Variants in DCBLD1 observed in about 807,000 individuals in gnomAD.
The protein encoded by DCBLD1 is discoidin, CUB and LCCL domain containing 1.
DCBLD1 carries 57 observed loss-of-function variants against 71.5 expected under a neutral mutation model. That is an observed-to-expected ratio of 0.80 (90% CI 0.64 to 0.99). The LOEUF is 0.99. DCBLD1 is among the 50% of genes least tolerant of loss of function. The pLI is 0.00. For missense variants in DCBLD1, 891 were observed against 923.5 expected, an observed-to-expected ratio of 0.96 and a Z score of 0.46; for synonymous variants, 380 against 363.8, an observed-to-expected ratio of 1.04 and a Z score of -0.51.
At chr6:117,542,927 T>C (rs1163807080) in intron 11 of DCBLD1, among the ~76,000 whole-genome samples, 197 bp from the exon 12 acceptor site, 3 of 152,060 alleles carry the variant, frequency 2.0e-5, no homozygotes, top group Non-Finnish European at 4.4e-5. Flanking sequence ...GGGGGAGAAA[T>C]TTTACTTTCC....
chr6:117,538,777 C>G lies in DCBLD1; in HGVS notation c.918C>G (p.Asn306Lys), dbSNP rs1187488298. The G allele has an allele frequency of 6.2e-7, 1 of 1,614,014 alleles. No individual in the cohort carries two copies. The highest frequency in any genetic ancestry group is 1.3e-5 in the African/African-American group (1 of 74,910). ...CATGGGCTTCGGGCGACAGTAGCAACAACCACAAACCACGAGAGTGGCTGG... is the reference window on the plus strand; with the variant it reads ...CATGGGCTTCGGGCGACAGTAGCAAGAACCACAAACCACGAGAGTGGCTGG... ...GPSWASGDSS[N>K]NHKPREWLEI... Residue 306 changes from asparagine (N) to lysine (K), a missense_variant, in exon 8 of 15, where the codon AAC (asparagine) becomes AAG (lysine). Physicochemically the swap from Asn to Lys is moderately conservative, Grantham distance 94. Transcript: ENST00000338728.
chr6:117,550,287 C>G (rs1379060896), downstream of DCBLD1, among the ~76,000 whole-genome samples: 2 of 152,072 alleles, frequency 1.3e-5, no homozygotes, highest in Admixed American at 1.3e-4. Context: ...AGGGTAGACT[C>G]TGTAGAACAG....
Position 117,482,909 on chromosome 6 carries a change from C to G in DCBLD1, c.112+16C>G. On this transcript the variant is annotated intron_variant, in intron 1 of 14. Coordinates refer to ENST00000338728, the MANE Select transcript of DCBLD1 (RefSeq NM_001366458.2). ...GAGGAGCTGGGTGAGTGGAGCGCGT[C>G]CGGCTGGCGGCGGGACCCGAGGCGC... 1 of 1,185,920 alleles carries G rather than the reference C, an allele frequency of 8.4e-7. No individual in the cohort carries two copies. Among genetic ancestry groups the G allele is most frequent in the Non-Finnish European group, 1.0e-6 (1 of 957,176 alleles). 73.5% of individuals were successfully genotyped at this position (1,185,920 alleles called of 1,614,324 possible). A position where few individuals can be genotyped will look rare whatever the true frequency, so the allele number is the denominator to read the frequency against.
Position 117,482,899 on chromosome 6 carries a change from TG to T in DCBLD1, c.112+8del. 8.4e-7 allele frequency: 1 copy of T among 1,192,388 alleles called. No homozygotes were observed. The highest frequency in any genetic ancestry group is 1.0e-6 in the Non-Finnish European group (1 of 960,534). The allele number at this position is 1,192,388 out of a possible 1,614,324, so 73.9% of individuals were successfully genotyped here. On this transcript the variant is annotated splice_region_variant and intron_variant, in intron 1 of 14. Coordinates refer to ENST00000338728, the MANE Select transcript of DCBLD1 (RefSeq NM_001366458.2). ...GCTGCAGGCGGAGGAGCTGGGTGAG[TG>T]GAGCGCGTCCGGCTGGCGGCGGGAC...
chr6:117,493,531 T>C (rs1435269769), intron 1 of DCBLD1, among the ~76,000 whole-genome samples: 1 of 152,216 alleles, frequency 6.6e-6, no homozygotes, highest in Non-Finnish European at 1.5e-5. Context: ...TAATTAAACA[T>C]GACTTTTTTC....
In DCBLD1 at chr6:117,538,732, A is replaced by T; in HGVS notation, c.873A>T (p.Arg291=). ...TTCACTGGTCTCCTGGCCAAGCCCG[A>T]CTTCAGGACCAAGGCCCATCATGGG... is the stretch of plus-strand genomic sequence containing the variant. ...DQVHWSPGQA[R]LQDQGPSWAS... Residue 291 remains arginine, a synonymous_variant, in exon 8 of 15, where the codon CGA becomes CGT. Transcript: ENST00000338728. The T allele has an allele frequency of 6.2e-7, 1 of 1,614,204 alleles. No individual in the cohort carries two copies. The highest frequency in any genetic ancestry group is 8.5e-7 in the Non-Finnish European group (1 of 1,180,034).
At chr6:117,490,736 A>G (rs928534510) in intron 1 of DCBLD1, among the ~76,000 whole-genome samples, 1 of 152,226 alleles carries the variant, frequency 6.6e-6, no homozygotes, top group Non-Finnish European at 1.5e-5. Context: ...AACTCAAATT[A>G]TAACCGCTGT....
At chr6:117,542,154 G>A (rs376502992) in intron 11 of DCBLD1, among the ~76,000 whole-genome samples, 161 of 152,028 alleles carry the variant, frequency 1.1e-3, no homozygotes, top group African/African-American at 3.4e-3. Context: ...TTAGCTGGGC[G>A]TGGCAGCATG....
chr6:117,527,396 T>C (rs1318584798), intron 5 of DCBLD1, among the ~76,000 whole-genome samples: 2 of 152,154 alleles, frequency 1.3e-5, no homozygotes, highest in African/African-American at 4.8e-5. Flanking sequence ...GCAAGTCTTT[T>C]CAGAAGAATC....
chr6:117,537,334 A>C (rs1583022073), intron 7 of DCBLD1, 109 bp downstream of exon 7: 2 of 1,003,048 alleles, frequency 2.0e-6, no homozygotes, highest in East Asian at 5.3e-5. Context: ...GGAGATCGAG[A>C]CCATCCTGGC....
intron 14 of DCBLD1, chr6:117,562,066 T>G (rs1294137016): frequency 4.8e-6 from 1 of 206,366 alleles, no homozygotes; most frequent in Non-Finnish European, 9.9e-6. Flanking sequence ...AATGCAATGT[T>G]GTGACTTTGC....
chr6:117,496,258 A>G (rs926509160), intron 1 of DCBLD1, among the ~76,000 whole-genome samples: 3 of 151,792 alleles, frequency 2.0e-5, no homozygotes, highest in Admixed American at 6.5e-5. Context: ...TAGTATTATT[A>G]TCCATATTCC....
intron 2 of DCBLD1, among the ~76,000 whole-genome samples, chr6:117,513,856 T>G (rs1394878477): frequency 6.6e-6 from 1 of 152,178 alleles, no homozygotes; most frequent in Admixed American, 6.5e-5. Context: ...TGAAATTGTC[T>G]TTGTAAACAT....
chr6:117,509,191 C>A (rs1322278045), intron 2 of DCBLD1, among the ~76,000 whole-genome samples: 1 of 152,080 alleles, frequency 6.6e-6, no homozygotes, highest in Admixed American at 6.6e-5. Context: ...CAGCAGTTTG[C>A]GAGGCTGAGG....
intron 14 of DCBLD1, chr6:117,561,953 A>C (rs1779592180): frequency 4.8e-6 from 1 of 207,794 alleles, no homozygotes; most frequent in African/African-American, 2.3e-5. Flanking sequence ...AGAAATGAAG[A>C]TACTGATAAT....
intron 1 of DCBLD1, among the ~76,000 whole-genome samples, chr6:117,500,306 A>G (rs528823858): frequency 6.6e-6 from 1 of 152,340 alleles, no homozygotes; most frequent in South Asian, 2.1e-4. Flanking sequence ...TTCTGATGAC[A>G]GTTCGCTTTT....
At chr6:117,557,289 A>G (rs1779506596) in intron 14 of DCBLD1, among the ~76,000 whole-genome samples, 1 of 152,136 alleles carries the variant, frequency 6.6e-6, no homozygotes, top group African/African-American at 2.4e-5. Flanking sequence ...AACTGTATCC[A>G]TGTTCTTTTG....
chr6:117,550,791 C>T (rs1461746361), downstream of DCBLD1, among the ~76,000 whole-genome samples: 1 of 152,226 alleles, frequency 6.6e-6, no homozygotes. Context: ...GTTGACCTCA[C>T]TATTCCTAAA....
intron 8 of DCBLD1, 80 bp downstream of exon 8, chr6:117,538,915 GT>G (rs764604372): frequency 1.4e-6 from 2 of 1,379,694 alleles, no homozygotes; most frequent in Admixed American, 2.1e-5. Flanking sequence ...TACGCTTATT[GT>G]TTACATAGGT....
Sources: allele counts gnomAD v4.1 joint callset (sites outside exome capture counted in the v4.1 genomes callset), GRCh38; gene constraint gnomAD v4.1.1; transcripts MANE v1.5; gene names NCBI Gene and HGNC (gene_info 2026-07-23, HGNC 2026-07-21).